Variants in USP24 observed in about 807,000 individuals in gnomAD.
USP24 encodes ubiquitin carboxyl-terminal hydrolase 24.
A neutral mutation model predicts 361.6 loss-of-function variants in USP24; 97 were observed. The observed-to-expected ratio is 0.27, with a 90% CI of 0.23 to 0.32. The LOEUF is 0.32. Among genes scored for constraint, USP24 ranks in the 10% least tolerant of loss-of-function variants. The pLI, the probability that USP24 is intolerant of heterozygous loss-of-function variation, is 1.00. For synonymous variants in USP24, 1,098 were observed against 1,124.6 expected (o/e 0.98, Z 0.47); for missense variants, 2,353 against 3,165.6 (o/e 0.74, Z 6.16).
intron 42 of USP24, among the ~76,000 whole-genome samples, chr1:55,102,796 G>A (rs150155326): frequency 5.7e-4 from 87 of 152,144 alleles, no homozygotes; most frequent in African/African-American, 2.0e-3. Flanking sequence ...AAAAACATAA[G>A]AAGTTCATTT....
At position 55,084,129 on chromosome 1, in the gene USP24, C is replaced by T. The variant is rs543397438; in HGVS notation, c.6766-241G>A. Among the ~76,000 whole-genome samples the T allele has an allele frequency of 5.8e-4, 89 of 152,280 alleles. 1 individual carries two copies. Among genetic ancestry groups the T allele is most frequent in the African/African-American group, 2.1e-3 (87 of 41,566 alleles). ...AAGCTTAGTTTCAGTTCCTAGATTT[C>T]AGAGTCAAGGGCATCAATTCTACCG... On this transcript the variant is annotated intron_variant, in intron 56 of 67. Coordinates refer to ENST00000294383, the MANE Select transcript of USP24 (RefSeq NM_015306.3).
intron 1 of USP24, among the ~76,000 whole-genome samples, chr1:55,190,164 C>CAA (rs397696116): frequency 0.03 from 2,374 of 77,866 alleles, 108 homozygotes; most frequent in African/African-American, 0.092. Context: ...GACTCCATCT[C>CAA]AAAAAAAAAA....
rs775152180 is a variant in USP24 at position 55,125,421 on chromosome 1, A to G, written c.3859T>C (p.Cys1287Arg). Residue 1287 changes from cysteine to arginine, a missense_variant, in exon 34 of 68, where the codon TGT becomes CGT. Cys to Arg is a radical substitution (Grantham distance 180, BLOSUM62 -3). Coordinates refer to ENST00000294383, the MANE Select transcript of USP24 (RefSeq NM_015306.3). ...SRQTSRQMSL[C>R]GTPEKSSYRQ... ...TAGGATGACTTTTCTGGGGTACCACATAAGGACATCTGTCTGCTTGTCTGC... is the reference window on the plus strand; with the variant it reads ...TAGGATGACTTTTCTGGGGTACCACGTAAGGACATCTGTCTGCTTGTCTGC... 1.9e-6 allele frequency: 3 copies of G among 1,614,018 alleles called. No homozygotes were observed. The highest frequency in any genetic ancestry group is 2.5e-6 in the Non-Finnish European group (3 of 1,179,878).
chr1:55,104,054 T>C (rs770176565), intron 41 of USP24, 34 bp from the exon 42 acceptor site: 4 of 1,569,696 alleles, frequency 2.5e-6, no homozygotes, highest in Non-Finnish European at 3.5e-6. Flanking sequence ...ATTTCAACAA[T>C]GAATAATCTA....
chr1:55,107,439 G>GAA lies in USP24; in HGVS notation c.4571-11_4571-10dup. On this transcript the variant is annotated splice_polypyrimidine_tract_variant and intron_variant, in intron 39 of 67. Transcript: ENST00000294383. ...CTGCTCCATTTCTGAAGCTAAGAAG[G>GAA]AAAAAAAAAATCCATTACAAAGAAA... 2 of 1,482,152 alleles carry GAA rather than the reference G, an allele frequency of 1.3e-6. No individual in the cohort carries two copies. Among genetic ancestry groups the GAA allele is most frequent in the Admixed American group, 2.4e-5 (1 of 42,394 alleles). The allele number at this position is 1,482,152 out of a possible 1,614,324, so 91.8% of individuals were successfully genotyped here. A position where few individuals can be genotyped will look rare whatever the true frequency, so the allele number is the denominator to read the frequency against.
chr1:55,144,341 C>A, intron 20 of USP24, 138 bp from the exon 21 acceptor site: 1 of 477,476 alleles, frequency 2.1e-6, no homozygotes, highest in Non-Finnish European at 3.7e-6. Flanking sequence ...AAAGCAGAAG[C>A]AACAAAAGAA....
At chr1:55,190,164 C>CA (rs397696116) in intron 1 of USP24, among the ~76,000 whole-genome samples, 55,386 of 78,794 alleles carry the variant, frequency 0.7, 19,519 homozygotes, top group East Asian at 0.89. Context: ...GACTCCATCT[C>CA]AAAAAAAAAA....
chr1:55,166,185 C>A (rs937268754), intron 6 of USP24, among the ~76,000 whole-genome samples: 2 of 151,592 alleles, frequency 1.3e-5, no homozygotes, highest in Non-Finnish European at 2.9e-5. Flanking sequence ...TAAAAATATA[C>A]AATTAAGTTA....
chr1:55,125,999 C>T (rs1265737373), intron 32 of USP24, among the ~76,000 whole-genome samples: 1 of 152,220 alleles, frequency 6.6e-6, no homozygotes, highest in African/African-American at 2.4e-5. Context: ...AAAGACCCAT[C>T]AGGGTGATCC....
chr1:55,137,177 T>C lies in USP24; in HGVS notation c.3201+338A>G, dbSNP rs1557617688. 5.3e-5 allele frequency among the ~76,000 whole-genome samples: 8 copies of C among 152,224 alleles called. No homozygotes were observed. The South Asian group carries it at 1.7e-3, about 32-fold the overall frequency. ...AAGCGATCACACGTATCAGCTTCAA[T>C]GAAATGTCAAGAAGATGAGGACTAA... On this transcript the variant is annotated intron_variant, in intron 28 of 67. Coordinates refer to ENST00000294383, the MANE Select transcript of USP24 (RefSeq NM_015306.3).
chr1:55,107,758 C>G (rs974501179), intron 39 of USP24, among the ~76,000 whole-genome samples: 6 of 130,394 alleles, frequency 4.6e-5, no homozygotes, highest in Admixed American at 2.9e-4. Context: ...AGGAGAATTG[C>G]TTGAACCCAG....
chr1:55,214,933 C>A lies in USP24; in HGVS notation c.181G>T (p.Gly61Cys). 7.3e-7 allele frequency: 1 copy of A among 1,373,890 alleles called. No individual in the cohort carries two copies. Among genetic ancestry groups the A allele is most frequent in the Non-Finnish European group, 9.5e-7 (1 of 1,053,582 alleles). The allele number at this position is 1,373,890 out of a possible 1,614,324, so 85.1% of individuals were successfully genotyped here. The change falls in exon 1 of 68, where the codon GGC (glycine) becomes TGC (cysteine). Residue 61 changes from glycine (G) to cysteine (C), a missense_variant. Physicochemically the swap from Gly to Cys is radical, Grantham distance 159. Around this residue, in one of 8 missense-constraint regions of USP24, gnomAD observed 253 missense variants for 255.3 expected, o/e 0.99. Transcript: ENST00000294383. ...GGYEPMDSGG[G>C]PSPGPGGGPR... Reference sequence around the variant, plus strand: ...CCCCCGCCGGGCCCGGGGCTGGGGCCACCGCCGCTGTCCATGGGCTCGTAG... The same window carrying A: ...CCCCCGCCGGGCCCGGGGCTGGGGCAACCGCCGCTGTCCATGGGCTCGTAG...
chr1:55,111,217 G>A (rs1427189738), intron 38 of USP24, among the ~76,000 whole-genome samples: 1 of 151,654 alleles, frequency 6.6e-6, no homozygotes, highest in Non-Finnish European at 1.5e-5. Flanking sequence ...ATTAAAAAAA[G>A]CTGTGAGACG....
intron 58 of USP24, among the ~76,000 whole-genome samples, chr1:55,081,673 T>A (rs1645151590): frequency 6.6e-6 from 1 of 152,288 alleles, no homozygotes; most frequent in South Asian, 2.1e-4. Flanking sequence ...TGCCTCAGTA[T>A]AATGGGAAAA....
At chr1:55,123,154 A>T (rs551401363) in intron 36 of USP24, among the ~76,000 whole-genome samples, 1 of 152,348 alleles carries the variant, frequency 6.6e-6, no homozygotes, top group African/African-American at 2.4e-5. Context: ...TCTGTAATTT[A>T]TGAACTAGTA....
intron 24 of USP24, among the ~76,000 whole-genome samples, chr1:55,139,537 T>C (rs931572479): frequency 6.6e-6 from 1 of 152,198 alleles, no homozygotes; most frequent in African/African-American, 2.4e-5. Context: ...TTACTTATCA[T>C]TTGAAATAAT....
chr1:55,183,846 T>C (rs534897457), intron 1 of USP24, among the ~76,000 whole-genome samples: 56 of 152,264 alleles, frequency 3.7e-4, no homozygotes, highest in Admixed American at 9.2e-4. Flanking sequence ...GGAATGGCTA[T>C]ATTAGACAGA....
In USP24 at chr1:55,100,915, A is replaced by C; in HGVS notation, c.5195T>G (p.Phe1732Cys). 6.2e-7 allele frequency: 1 copy of C among 1,613,698 alleles called. No individual in the cohort carries two copies. The highest frequency in any genetic ancestry group is 8.5e-7 in the Non-Finnish European group (1 of 1,179,762). ...TCCAAAGAGAGACTGCACTTGGTAA[A>C]ACACGCTATCATCTGGATTGTCTGT... ...DDTDNPDDSV[F>C]YQVQSLFGHL... Residue 1732 changes from phenylalanine to cysteine, a missense_variant, in exon 44 of 68, where the codon TTT becomes TGT. This residue lies in a region of USP24 where 949 missense variants were observed against 1,280.5 expected (regional missense o/e 0.74). Coordinates refer to ENST00000294383, the MANE Select transcript of USP24 (RefSeq NM_015306.3).
At chr1:55,213,138 G>T (rs559937958) in intron 1 of USP24, among the ~76,000 whole-genome samples, 1 of 152,226 alleles carries the variant, frequency 6.6e-6, no homozygotes, top group East Asian at 1.9e-4. Flanking sequence ...AAAAAGCAAC[G>T]GCTTTCTTCT....
Sources: gnomAD v4.1 joint callset for allele counts (sites outside exome capture counted in the v4.1 genomes callset) on GRCh38, gnomAD v4.1.1 for gene constraint, gnomAD v4.1.1 regional missense constraint, MANE v1.5 for transcripts, NCBI Gene and HGNC (gene_info 2026-07-23, HGNC 2026-07-21) for gene names.